The following ZNF423 variants were observed in gnomAD, a reference collection of about 807,000 sequenced individuals.
ZNF423 encodes the protein Ebf-associated zinc finger protein.
ZNF423 carries 12 observed loss-of-function variants against 95.8 expected under a neutral mutation model. The observed-to-expected ratio is 0.13, with a 90% CI of 0.08 to 0.20. ZNF423 has a LOEUF of 0.20. Ranked by LOEUF, ZNF423 falls within the 10% of genes least tolerant of loss-of-function variation. The pLI is 1.00. For synonymous variants in ZNF423, 749 were observed against 711.9 expected, an observed-to-expected ratio of 1.05 and a Z score of -0.83; for missense variants, 1,316 against 1,737.1, an observed-to-expected ratio of 0.76 and a Z score of 4.31.
intron 2 of ZNF423, chr16:49,731,434 G>C: frequency 1.1e-6 from 1 of 940,644 alleles, no homozygotes; most frequent in Non-Finnish European, 1.3e-6. Flanking sequence ...AGTGACGTTG[G>C]CTCAGTTCTT....
intron 7 of ZNF423, among the ~76,000 whole-genome samples, chr16:49,493,607 G>A (rs1455551555): frequency 6.6e-6 from 1 of 152,196 alleles, no homozygotes; most frequent in Non-Finnish European, 1.5e-5. Context: ...GAGGAAGAGA[G>A]GGGACATGAG....
intron 5 of ZNF423, among the ~76,000 whole-genome samples, chr16:49,598,356 G>T (rs943315094): frequency 6.6e-6 from 1 of 152,226 alleles, no homozygotes; most frequent in African/African-American, 2.4e-5. Context: ...TGCACGTAAG[G>T]TGCCTGGCCA....
chr16:49,673,500 G>GTTACCC (rs2030912362), intron 3 of ZNF423, among the ~76,000 whole-genome samples: 1 of 152,214 alleles, frequency 6.6e-6, no homozygotes, highest in Admixed American at 6.5e-5. Flanking sequence ...CAGCATTGAG[G>GTTACCC]AAAACCTCCA....
chr16:49,756,587 T>G (rs2033731206), intron 2 of ZNF423, among the ~76,000 whole-genome samples: 2 of 152,164 alleles, frequency 1.3e-5, no homozygotes, highest in African/African-American at 2.4e-5. Context: ...ACCAAATGCG[T>G]GTCTCGAAAG....
chr16:49,726,412 A>G (rs933164063), intron 3 of ZNF423, among the ~76,000 whole-genome samples: 2 of 152,140 alleles, frequency 1.3e-5, no homozygotes, highest in African/African-American at 4.8e-5. Context: ...ACCTGCTTCT[A>G]TGGTACCCCA....
At chr16:49,617,190 G>C (rs1366979595) in intron 5 of ZNF423, among the ~76,000 whole-genome samples, 2 of 152,170 alleles carry the variant, frequency 1.3e-5, no homozygotes, top group Non-Finnish European at 2.9e-5. Flanking sequence ...GGCAGCTTCA[G>C]GACGCTCCTG....
In ZNF423 at chr16:49,559,689, G is replaced by A. The variant is rs187526396; in HGVS notation, c.3602-34195C>T. ...GGACCTTCGCCAAGCTCCATCTTTT[G>A]TGCATTTGAACCAAGGTCTACTGTC... On this transcript the variant is annotated intron_variant, in intron 5 of 7. Transcript: ENST00000563137. Among the ~76,000 whole-genome samples, 21 of 152,288 alleles carry A rather than the reference G, an allele frequency of 1.4e-4. No individual in the cohort carries two copies. In the East Asian group the frequency reaches 3.5e-3, roughly 25 times the overall value.
intron 5 of ZNF423, among the ~76,000 whole-genome samples, chr16:49,577,453 C>T (rs550913257): frequency 2.0e-5 from 3 of 152,048 alleles, no homozygotes; most frequent in Non-Finnish European, 2.9e-5. Context: ...CCCAGACAGA[C>T]GCCAGGGCCC....
chr16:49,558,420 G>A (rs1303089999), intron 5 of ZNF423, among the ~76,000 whole-genome samples: 1 of 152,160 alleles, frequency 6.6e-6, no homozygotes, highest in Non-Finnish European at 1.5e-5. Context: ...GAGTTGCCCT[G>A]GCAAAGATCC....
intron 5 of ZNF423, among the ~76,000 whole-genome samples, chr16:49,614,668 G>T (rs578060263): frequency 6.6e-6 from 1 of 152,308 alleles, no homozygotes; most frequent in East Asian, 1.9e-4. Context: ...ATGTGATATT[G>T]TACTCTAGTT....
At chr16:49,694,721 A>G (rs1444511240) in intron 3 of ZNF423, among the ~76,000 whole-genome samples, 1 of 152,218 alleles carries the variant, frequency 6.6e-6, no homozygotes, top group Non-Finnish European at 1.5e-5. Context: ...TCCTCCATCC[A>G]GGAAGGGCTC....
chr16:49,757,992 T>A (rs542613773), intron 2 of ZNF423, among the ~76,000 whole-genome samples: 112 of 152,232 alleles, frequency 7.4e-4, no homozygotes, highest in African/African-American at 2.6e-3. Flanking sequence ...CTGTAAAACA[T>A]CCCTGGCATC....
chr16:49,625,117 G>A (rs1018776628), intron 5 of ZNF423, among the ~76,000 whole-genome samples: 5 of 152,240 alleles, frequency 3.3e-5, no homozygotes, highest in Admixed American at 1.3e-4. Flanking sequence ...GGTGGCTCAC[G>A]CCTATAATCC....
chr16:49,577,142 G>GT (rs1970525242), intron 5 of ZNF423, among the ~76,000 whole-genome samples: 1 of 152,210 alleles, frequency 6.6e-6, no homozygotes, highest in African/African-American at 2.4e-5. Flanking sequence ...GCCAGCTGGC[G>GT]TGGGGGGGTG....
chr16:49,701,493 C>T (rs1307598508), intron 3 of ZNF423, among the ~76,000 whole-genome samples: 4 of 151,862 alleles, frequency 2.6e-5, no homozygotes, highest in Admixed American at 1.3e-4. Context: ...GGGAGGGGAG[C>T]AAGTGGGCCA....
At chr16:49,854,439 G>T in intron 1 of ZNF423, 1 of 985,444 alleles carries the variant, frequency 1.0e-6, no homozygotes, top group South Asian at 4.7e-5. Context: ...GGCAGGAAGG[G>T]AGCGGGGCCC....
chr16:49,514,976 G>T (rs1968076472), intron 7 of ZNF423, among the ~76,000 whole-genome samples: 1 of 152,222 alleles, frequency 6.6e-6, no homozygotes, highest in Non-Finnish European at 1.5e-5. Flanking sequence ...TGTCTAAAAA[G>T]ACATCTCTCT....
In ZNF423 at chr16:49,491,343, G is replaced by A. The variant is rs749467480; in HGVS notation, c.3850-39C>T. 5.0e-6 allele frequency: 8 copies of A among 1,613,288 alleles called. No homozygotes were observed. In the East Asian group the frequency reaches 1.8e-4, roughly 36 times the overall value. On this transcript the variant is annotated intron_variant, in intron 7 of 7. Transcript: ENST00000563137. ...GAAAGGAGACACACATGAAGGAGAA[G>A]AATGGAGAGCATGCTCGTCCCTCCC...
intron 5 of ZNF423, among the ~76,000 whole-genome samples, chr16:49,607,739 G>A (rs1378353489): frequency 6.6e-6 from 1 of 152,254 alleles, no homozygotes; most frequent in Non-Finnish European, 1.5e-5. Flanking sequence ...AATCTGGCAT[G>A]TTTTTATTTG....
Sources: gnomAD v4.1 joint callset for allele counts (sites outside exome capture counted in the v4.1 genomes callset) on GRCh38, gnomAD v4.1.1 for gene constraint, MANE v1.5 for transcripts, NCBI Gene and HGNC (gene_info 2026-07-23, HGNC 2026-07-21) for gene names.